Variants in OPCML observed in about 807,000 individuals in gnomAD.
OPCML encodes the protein opioid binding protein/cell adhesion molecule like.
In OPCML, 13 loss-of-function variants were observed where a neutral mutation model predicts 37.8. The observed-to-expected ratio is 0.34, with a 90% CI of 0.22 to 0.55. OPCML has a LOEUF of 0.55. OPCML is among the 20% of genes least tolerant of loss of function. The probability of loss-of-function intolerance (pLI) is 0.91; values close to 1 mark genes in which losing one functional copy is unlikely to be tolerated. For synonymous variants in OPCML, 176 were observed against 168.8 expected (o/e 1.04, Z -0.33); for missense variants, 341 against 435.6 (o/e 0.78, Z 1.93).
At chr11:132,503,273 C>T (rs1335064309) in intron 4 of OPCML, among the ~76,000 whole-genome samples, 1 of 152,172 alleles carries the variant, frequency 6.6e-6, no homozygotes, top group Non-Finnish European at 1.5e-5. Flanking sequence ...GCTACCCTAT[C>T]TCAAAGGTTC....
At chr11:132,768,408 C>T (rs1946529228) in intron 2 of OPCML, among the ~76,000 whole-genome samples, 1 of 152,160 alleles carries the variant, frequency 6.6e-6, no homozygotes. Flanking sequence ...TGCCTCCAGA[C>T]CACTGAACTA....
intron 2 of OPCML, among the ~76,000 whole-genome samples, chr11:132,831,709 A>G (rs1359778688): frequency 7.5e-6 from 1 of 133,508 alleles, no homozygotes; most frequent in African/African-American, 2.8e-5. Context: ...ATCCCCCAAC[A>G]CAACTCTTCC....
chr11:133,054,031 C>T (rs1948177916), intron 1 of OPCML, among the ~76,000 whole-genome samples: 1 of 152,204 alleles, frequency 6.6e-6, no homozygotes, highest in Admixed American at 6.5e-5. Context: ...CAGGCTAAAA[C>T]CCTAGATGTC....
chr11:133,014,989 G>A (rs76813249), intron 1 of OPCML, among the ~76,000 whole-genome samples: 3,350 of 152,248 alleles, frequency 0.022, 46 homozygotes, highest in Middle Eastern at 0.068. Flanking sequence ...TCCAGCAATC[G>A]AAATGGATGA....
At chr11:133,056,536 C>T (rs1375968750) in intron 1 of OPCML, among the ~76,000 whole-genome samples, 2 of 152,154 alleles carry the variant, frequency 1.3e-5, no homozygotes, top group Non-Finnish European at 2.9e-5. Context: ...TTTCAGAATT[C>T]CCCAAAATTA....
rs182080442 is a variant in OPCML at position 132,475,560 on chromosome 11, A to G, written c.506-38201T>C. Among the ~76,000 whole-genome samples, 4 of 152,296 alleles carry G rather than the reference A, an allele frequency of 2.6e-5. No homozygotes were observed. The East Asian group carries it at 7.7e-4, about 29-fold the overall frequency. ...TAGGACACACAAAGAGACACCAGAG[A>G]TGCAGGAGCACAGAGAAAAGAACAT... On this transcript the variant is annotated intron_variant, in intron 4 of 7. Transcript: ENST00000524381.
intron 4 of OPCML, among the ~76,000 whole-genome samples, chr11:132,469,473 T>C (rs2096129058): frequency 6.7e-6 from 1 of 148,280 alleles, no homozygotes; most frequent in Non-Finnish European, 1.5e-5. Flanking sequence ...TGTGTGCCTG[T>C]GTGTGTGTGG....
intron 2 of OPCML, among the ~76,000 whole-genome samples, chr11:132,839,575 G>A (rs1215865552): frequency 6.6e-6 from 1 of 152,272 alleles, no homozygotes; most frequent in East Asian, 1.9e-4. Context: ...GTGAAATGAG[G>A]ACAAGGCTGG....
At chr11:132,679,126 T>C (rs899524591) in intron 2 of OPCML, among the ~76,000 whole-genome samples, 3 of 152,130 alleles carry the variant, frequency 2.0e-5, no homozygotes, top group Non-Finnish European at 2.9e-5. Context: ...TGTGAAGAGA[T>C]GGGAATCCTC....
intron 4 of OPCML, among the ~76,000 whole-genome samples, chr11:132,455,689 C>T (rs1179895945): frequency 1.3e-5 from 2 of 152,282 alleles, no homozygotes; most frequent in East Asian, 3.9e-4. Flanking sequence ...AAGCAGTTCT[C>T]TTGTGTTTAA....
chr11:133,414,367 G>A (rs907231311), intron 1 of OPCML, among the ~76,000 whole-genome samples: 9 of 152,032 alleles, frequency 5.9e-5, no homozygotes, highest in Non-Finnish European at 1.2e-4. Context: ...ATTCCAATAC[G>A]CTATTCTGAG....
intron 2 of OPCML, among the ~76,000 whole-genome samples, chr11:132,815,045 C>T (rs1248183542): frequency 6.6e-6 from 1 of 152,174 alleles, no homozygotes; most frequent in Admixed American, 6.5e-5. Context: ...AGTTTCATTT[C>T]TTACCTGATT....
chr11:133,512,210 A>G (rs186036585), intron 1 of OPCML, among the ~76,000 whole-genome samples: 6 of 152,212 alleles, frequency 3.9e-5, no homozygotes, highest in Admixed American at 2.6e-4. Flanking sequence ...TTTGTCCCAA[A>G]CCTACTTACC....
rs2096014443 is a variant in OPCML, at chr11:132,436,771, A to G, written c.652T>C (p.Tyr218His). Residue 218 changes from tyrosine to histidine, a missense_variant, in exon 6 of 8, where the codon TAT becomes CAT. Transcript: ENST00000524381. ...CCAGTGTTCTTGGCTTTTGAGATAT[A>G]GGGAGGATCTGTGGGAAACACACAC... Reference protein sequence around the residue: ...KVKITVNYPPYISKAKNTGVS... With the variant: ...KVKITVNYPPHISKAKNTGVS... 6.2e-7 allele frequency: 1 copy of G among 1,614,116 alleles called. No individual in the cohort carries two copies. The highest frequency in any genetic ancestry group is 8.5e-7 in the Non-Finnish European group (1 of 1,179,996).
At chr11:132,498,124 A>C (rs528475423) in intron 4 of OPCML, among the ~76,000 whole-genome samples, 33 of 152,356 alleles carry the variant, frequency 2.2e-4, no homozygotes, top group African/African-American at 7.7e-4. Flanking sequence ...TAAAGTGACC[A>C]AAGGAAGAGA....
At chr11:132,459,239 G>A (rs1247075083) in intron 4 of OPCML, among the ~76,000 whole-genome samples, 1 of 152,034 alleles carries the variant, frequency 6.6e-6, no homozygotes, top group Non-Finnish European at 1.5e-5. Context: ...GTCAGCCTTG[G>A]ACTAGAACTT....
Position 132,725,436 on chromosome 11 carries a change from G to A in OPCML, c.147-68117C>T, listed in dbSNP as rs188905051. ...CCAGGAAACCACTTTTTCCTCCTAGGCCTCTGGGACTGTAATGGGAGGGGC... is the reference window on the plus strand; with the variant it reads ...CCAGGAAACCACTTTTTCCTCCTAGACCTCTGGGACTGTAATGGGAGGGGC... On this transcript the variant is annotated intron_variant, in intron 2 of 7. Coordinates refer to ENST00000524381, the MANE Select transcript of OPCML (RefSeq NM_001012393.5). Among the ~76,000 whole-genome samples the A allele has an allele frequency of 5.6e-3, 855 of 152,250 alleles. 5 individuals carry two copies. The highest frequency in any genetic ancestry group is 9.6e-3 in the Non-Finnish European group (650 of 68,022).
chr11:133,000,062 GTT>G (rs888233117), intron 1 of OPCML, among the ~76,000 whole-genome samples: 16 of 152,066 alleles, frequency 1.1e-4, no homozygotes, highest in African/African-American at 3.6e-4. Context: ...TTTTGTTTTT[GTT>G]TTTTTGTTTT....
chr11:132,727,605 T>C (rs1196364825), intron 2 of OPCML, among the ~76,000 whole-genome samples: 1 of 152,192 alleles, frequency 6.6e-6, no homozygotes, highest in Non-Finnish European at 1.5e-5. Flanking sequence ...TCCAGGCGTC[T>C]TTAAAAACAT....
Sources: gnomAD v4.1 joint callset for allele counts (sites outside exome capture counted in the v4.1 genomes callset) on GRCh38, gnomAD v4.1.1 for gene constraint, MANE v1.5 for transcripts, NCBI Gene and HGNC (gene_info 2026-07-23, HGNC 2026-07-21) for gene names.